MYO7A: variants seen among roughly 807,000 people sequenced by gnomAD.
MYO7A encodes myosin VIIA.
In MYO7A, 210 loss-of-function variants were observed where a neutral mutation model predicts 263.8. The observed-to-expected ratio is 0.80, with a 90% confidence interval of 0.71 to 0.89. The LOEUF is 0.89. MYO7A is among the 40% of genes least tolerant of loss of function. The pLI is 0.00. For missense variants in MYO7A, 2,820 were observed against 2,968.3 expected, an observed-to-expected ratio of 0.95 and a Z score of 1.16; for synonymous variants, 1,239 against 1,197.3, an observed-to-expected ratio of 1.03 and a Z score of -0.72.
At chr11:77,175,961 G>A (rs1954620517) in intron 18 of MYO7A, among the ~76,000 whole-genome samples, 2 of 152,246 alleles carry the variant, frequency 1.3e-5, no homozygotes, top group Admixed American at 1.3e-4. Context: ...GCTGGGGAAG[G>A]AAGCAGGAAG....
rs782621564 is a variant in MYO7A, at chr11:77,183,099, G to A, written c.3317G>A (p.Ser1106Asn). 2 of 1,552,036 alleles carry A rather than the reference G, an allele frequency of 1.3e-6. No homozygotes were observed. Among genetic ancestry groups the A allele is most frequent in the Non-Finnish European group, 1.7e-6 (2 of 1,147,496 alleles). Residue 1106 changes from serine to asparagine, a missense_variant, in exon 26 of 49, where the codon AGT becomes AAT. Transcript: ENST00000409709. ...CTCCCCGAGGGCCAGAAGAAGAGCA[G>A]TGTGAGGCACAAGCTGGTGCATTTG... ...AQLPEGQKKS[S>N]VRHKLVHLTL...
In MYO7A at chr11:77,201,633, A is replaced by AT. The variant is rs1219910828; in HGVS notation, c.5040dup (p.Val1681CysfsTer40). On this transcript the variant is annotated frameshift_variant, in exon 36 of 49. Transcript: ENST00000409709. LOFTEE classifies it high-confidence loss of function. ...CACTGTCACCATGCCACCGCGGGAG[A>AT]TTGTGGTATGTGGCCTGGGGGTGGC... 6.2e-7 allele frequency: 1 copy of AT among 1,612,878 alleles called. No individual in the cohort carries two copies.
Position 77,179,814 on chromosome 11 carries a change from G to GC in MYO7A, c.2448dup (p.Ile817HisfsTer46). ...CAGCAGTACCGCCTGGCCCGCCAGC[G>GC]CATCATCCAGTTCCAGGCCCGCTGC... On this transcript the variant is annotated frameshift_variant, in exon 21 of 49. Transcript: ENST00000409709. LOFTEE classifies it high-confidence loss of function. 2 of 1,547,164 alleles carry GC rather than the reference G, an allele frequency of 1.3e-6. No individual in the cohort carries two copies. The highest frequency in any genetic ancestry group is 1.7e-6 in the Non-Finnish European group (2 of 1,148,422).
chr11:77,201,437 C>G lies in MYO7A; in HGVS notation c.4853-11C>G, dbSNP rs1957054424. The G allele has an allele frequency of 6.2e-7, 1 of 1,611,688 alleles. No homozygotes were observed. The highest frequency in any genetic ancestry group is 1.3e-5 in the African/African-American group (1 of 75,024). On this transcript the variant is annotated splice_polypyrimidine_tract_variant and intron_variant, in intron 35 of 48. Coordinates refer to ENST00000409709, the MANE Select transcript of MYO7A (RefSeq NM_000260.4). The stretch of plus-strand genomic sequence containing the variant: ...TCTGCCCCCATGGTCCCACTCACCT[C>G]TGCTCTACAGCAGGCGAGGAGTCAG...
rs137996310 is a variant in MYO7A at position 77,155,214 on chromosome 11, T to G, written c.286-693T>G. Among the ~76,000 whole-genome samples the G allele has an allele frequency of 4.0e-3, 608 of 152,278 alleles. 4 individuals are homozygous for G. Among genetic ancestry groups the G allele is most frequent in the African/African-American group, 0.014 (569 of 41,568 alleles). On this transcript the variant is annotated intron_variant, in intron 4 of 48. Transcript: ENST00000409709. Reference sequence around the variant, plus strand: ...CAAGGCCACAACAGGAAGCCTTGCCTACAGACAGCTGATCTTTGCACTAAC... The same window carrying G: ...CAAGGCCACAACAGGAAGCCTTGCCGACAGACAGCTGATCTTTGCACTAAC...
At chr11:77,175,577 C>G (rs542741458) in intron 18 of MYO7A, 113 bp downstream of exon 18, 1 of 1,024,520 alleles carries the variant, frequency 9.8e-7, no homozygotes, top group African/African-American at 1.6e-5. Flanking sequence ...TCCTTTCTGC[C>G]GGGCTGTGGT....
chr11:77,160,391 A>C (rs1591287862), intron 11 of MYO7A, 109 bp downstream of exon 11: 1 of 1,428,872 alleles, frequency 7.0e-7, no homozygotes. Flanking sequence ...CTGGGTCGCC[A>C]CCCCTGCCTG....
chr11:77,192,339 T>A, intron 31 of MYO7A, 61 bp downstream of exon 31: 1 of 1,518,940 alleles, frequency 6.6e-7, no homozygotes, highest in Non-Finnish European at 9.1e-7. Flanking sequence ...CTTTCCACGT[T>A]TGGGCTGAGT....
At chr11:77,193,106 G>A (rs1956309258) in intron 31 of MYO7A, among the ~76,000 whole-genome samples, 2 of 143,992 alleles carry the variant, frequency 1.4e-5, no homozygotes, top group Non-Finnish European at 3.1e-5. Context: ...AGGTAGTGAT[G>A]CTGTTGGTGA....
In MYO7A at chr11:77,204,518, C is replaced by T. The variant is rs555384521; in HGVS notation, c.5480+289C>T. Among the ~76,000 whole-genome samples the T allele has an allele frequency of 3.9e-5, 6 of 152,322 alleles. No individual in the cohort carries two copies. The South Asian group carries it at 1.2e-3, about 32-fold the overall frequency. ...GCCTCGTCTGGATGCCCCTTCCCTG[C>T]CTAGACCCTGCTGTCTGCCTGCAGG... On this transcript the variant is annotated intron_variant, in intron 39 of 48. Transcript: ENST00000409709.
chr11:77,190,578 T>TGATGGGGCCTGGAGC, intron 29 of MYO7A, 119 bp from the exon 30 acceptor site: 1 of 1,049,178 alleles, frequency 9.5e-7, no homozygotes, highest in Non-Finnish European at 1.4e-6. Context: ...CCCAGTGAGG[T>TGATGGGGCCTGGAGC]ACTGGGGCCT....
intron 46 of MYO7A, 140 bp from the exon 47 acceptor site, chr11:77,212,812 G>C: frequency 2.8e-6 from 2 of 720,440 alleles, no homozygotes; most frequent in Non-Finnish European, 4.9e-6. Context: ...GGAAGCCATA[G>C]GTCATGGCAG....
intron 5 of MYO7A, 59 bp downstream of exon 5, chr11:77,156,150 C>T (rs1555062014): frequency 2.4e-5 from 38 of 1,567,982 alleles, no homozygotes; most frequent in Non-Finnish European, 3.0e-5. Context: ...TCCAACTGTG[C>T]GCTCCTGCTG....
chr11:77,145,057 G>A (rs1951470712), intron 3 of MYO7A, among the ~76,000 whole-genome samples: 1 of 152,176 alleles, frequency 6.6e-6, no homozygotes, highest in Non-Finnish European at 1.5e-5. Flanking sequence ...GCTGGCCTCT[G>A]TTGGGACTCC....
At position 77,156,241 on chromosome 11, in the gene MYO7A, A is replaced by G; in HGVS notation, c.470+150A>G. ...AGACCTATGTACTCTGTGCTGTGTA[A>G]CAATGTAGAAAATCACCTCCCCTTT... is the stretch of plus-strand genomic sequence containing the variant. On this transcript the variant is annotated intron_variant, in intron 5 of 48. Coordinates refer to ENST00000409709, the MANE Select transcript of MYO7A (RefSeq NM_000260.4). 6.9e-6 allele frequency: 6 copies of G among 869,592 alleles called. No homozygotes were observed. The South Asian group carries it at 1.1e-4, about 16-fold the overall frequency. 53.9% of individuals were successfully genotyped at this position (869,592 alleles called of 1,614,324 possible). A position where few individuals can be genotyped will look rare whatever the true frequency, so the allele number is the denominator to read the frequency against.
Position 77,198,570 on chromosome 11 carries a change from A to G in MYO7A, c.4517A>G (p.Gln1506Arg), listed in dbSNP as rs1956843828. 5.6e-6 allele frequency: 9 copies of G among 1,613,838 alleles called. No homozygotes were observed. Among genetic ancestry groups the G allele is most frequent in the Non-Finnish European group, 5.9e-6 (7 of 1,179,902 alleles). Residue 1506 changes from glutamine (Q) to arginine (R), a missense_variant, in exon 34 of 49, where the codon CAG becomes CGG. Transcript: ENST00000409709. ...TGVYFVDEQE[Q>R]VLLELSFPEI... The stretch of plus-strand genomic sequence containing the variant: ...GTGTACTTTGTGGATGAGCAGGAGC[A>G]GGTACTTCTGGAGCTGTCCTTCCCA...
At chr11:77,214,061 C>T (rs1051063027) in intron 48 of MYO7A, 82 bp downstream of exon 48, 115 of 1,578,802 alleles carry the variant, frequency 7.3e-5, no homozygotes, top group Admixed American at 1.0e-4. Context: ...GGAACAAACA[C>T]AGTAGTGTGC....
intron 16 of MYO7A, among the ~76,000 whole-genome samples, 192 bp from the exon 17 acceptor site, chr11:77,174,564 A>C (rs1436361757): frequency 1.3e-5 from 2 of 152,222 alleles, no homozygotes; most frequent in Admixed American, 6.5e-5. Flanking sequence ...ACACAGCTCC[A>C]CCACGACAGG....
chr11:77,203,709 G>A (rs1057249026), intron 38 of MYO7A, among the ~76,000 whole-genome samples: 1 of 152,214 alleles, frequency 6.6e-6, no homozygotes, highest in Non-Finnish European at 1.5e-5. Flanking sequence ...GAGCAGGGCT[G>A]TTCCAGGGCT....
Sources: gnomAD v4.1 joint callset for allele counts (sites outside exome capture counted in the v4.1 genomes callset) on GRCh38, gnomAD v4.1.1 for gene constraint, MANE v1.5 for transcripts, NCBI Gene and HGNC (gene_info 2026-07-23, HGNC 2026-07-21) for gene names.